Variants in NTRK3 observed in about 807,000 individuals in gnomAD.
NTRK3 encodes the protein NT-3 growth factor receptor.
In NTRK3, 24 loss-of-function variants were observed where a neutral mutation model predicts 91.7. That is an observed-to-expected ratio of 0.26 (90% CI 0.19 to 0.37). The LOEUF is 0.37. Ranked by LOEUF, NTRK3 falls within the 10% of genes least tolerant of loss-of-function variation. The pLI, the probability that NTRK3 is intolerant of heterozygous loss-of-function variation, is 1.00. For synonymous variants in NTRK3, 483 were observed against 404.0 expected, an observed-to-expected ratio of 1.20 and a Z score of -2.34; for missense variants, 880 against 1,068.9, an observed-to-expected ratio of 0.82 and a Z score of 2.46.
chr15:87,895,577 G>A lies in NTRK3; in HGVS notation c.2134-15149C>T, dbSNP rs370197642. ...TTGAAATTGCCCTGCAAAGTCTCTC[G>A]TGGGAAAAATCCACATTATATGGAG... On this transcript the variant is annotated intron_variant, in intron 17 of 18. Transcript: ENST00000394480. Among the ~76,000 whole-genome samples the A allele has an allele frequency of 6.1e-4, 93 of 152,140 alleles. 2 individuals carry two copies. The Middle Eastern group carries it at 0.027, about 45-fold the overall frequency.
chr15:88,060,367 G>C (rs2046103121), intron 13 of NTRK3, among the ~76,000 whole-genome samples: 1 of 133,654 alleles, frequency 7.5e-6, no homozygotes, highest in South Asian at 2.3e-4. Flanking sequence ...CTGGGTGACA[G>C]AATGAGACTC....
intron 13 of NTRK3, among the ~76,000 whole-genome samples, chr15:88,048,679 G>A (rs904281235): frequency 6.6e-6 from 1 of 152,194 alleles, no homozygotes; most frequent in Non-Finnish European, 1.5e-5. Flanking sequence ...TAAAGAAAAT[G>A]TCAAGATAAA....
chr15:88,143,339 C>G (rs964622165), intron 6 of NTRK3, among the ~76,000 whole-genome samples: 1 of 152,342 alleles, frequency 6.6e-6, no homozygotes, highest in East Asian at 1.9e-4. Flanking sequence ...AGCCAAGAAA[C>G]ACCAGGAGCC....
At chr15:88,118,769 A>G (rs8043453) in intron 13 of NTRK3, among the ~76,000 whole-genome samples, 37,201 of 152,150 alleles carry the variant, frequency 0.24, 4,903 homozygotes, top group African/African-American at 0.31. Flanking sequence ...CACCTGTCAC[A>G]TGAGTAGCAA....
chr15:87,919,026 C>T (rs998372718), intron 17 of NTRK3, among the ~76,000 whole-genome samples: 6 of 152,198 alleles, frequency 3.9e-5, no homozygotes, highest in Non-Finnish European at 5.9e-5. Flanking sequence ...AACTTGAGTA[C>T]ATCCCACAAA....
chr15:87,885,736 C>A lies in NTRK3; in HGVS notation c.2134-5308G>T, dbSNP rs1234613259. The A allele has an allele frequency of 2.3e-6, 3 of 1,293,920 alleles. No homozygotes were observed. The highest frequency in any genetic ancestry group is 2.0e-5 in the South Asian group (1 of 51,118). The allele number at this position is 1,293,920 out of a possible 1,614,324, so 80.2% of individuals were successfully genotyped here. On this transcript the variant is annotated intron_variant, in intron 17 of 18. Coordinates refer to ENST00000394480, the Ensembl canonical transcript of NTRK3. Reference sequence around the variant, plus strand: ...AATCATTTCCAGATGGATTAAAGAGCTAAACATAAAAAACAAAACAATAAT... The same window carrying A: ...AATCATTTCCAGATGGATTAAAGAGATAAACATAAAAAACAAAACAATAAT...
intron 17 of NTRK3, among the ~76,000 whole-genome samples, chr15:87,881,899 T>C (rs1330987302): frequency 6.6e-6 from 1 of 151,980 alleles, no homozygotes; most frequent in Non-Finnish European, 1.5e-5. Context: ...TCTTTTCTTT[T>C]CTTTCTTTTT....
At chr15:88,016,804 T>C (rs978207819) in intron 14 of NTRK3, among the ~76,000 whole-genome samples, 2 of 151,442 alleles carry the variant, frequency 1.3e-5, no homozygotes, top group African/African-American at 4.9e-5. Flanking sequence ...GAGAGTGTCA[T>C]TTTTTTTTCT....
At chr15:87,944,068 AC>A (rs2070175555) in intron 14 of NTRK3, among the ~76,000 whole-genome samples, 2 of 152,156 alleles carry the variant, frequency 1.3e-5, no homozygotes, top group Admixed American at 6.5e-5. Flanking sequence ...TGACACCAAT[AC>A]CTGTCCTTAG....
intron 13 of NTRK3, among the ~76,000 whole-genome samples, chr15:88,055,831 A>G (rs2045626974): frequency 6.6e-6 from 1 of 152,148 alleles, no homozygotes; most frequent in Admixed American, 6.5e-5. Flanking sequence ...TTAAAATCCA[A>G]AGTCAACGTT....
chr15:87,980,177 G>A (rs904141291), intron 14 of NTRK3, among the ~76,000 whole-genome samples: 3 of 152,214 alleles, frequency 2.0e-5, no homozygotes, highest in Non-Finnish European at 4.4e-5. Flanking sequence ...GAGCAAGGAG[G>A]ACTTCCATGA....
intron 3 of NTRK3, among the ~76,000 whole-genome samples, chr15:88,189,371 G>A (rs184481327): frequency 1.3e-5 from 2 of 152,056 alleles, no homozygotes; most frequent in Non-Finnish European, 2.9e-5. Context: ...ATACATTCAT[G>A]GGGACTACAA....
At chr15:87,910,488 T>C (rs2067023149) in intron 17 of NTRK3, among the ~76,000 whole-genome samples, 1 of 152,236 alleles carries the variant, frequency 6.6e-6, no homozygotes, top group Non-Finnish European at 1.5e-5. Flanking sequence ...TGGTGAGTTT[T>C]ATTTAAAACA....
At chr15:88,137,258 G>A (rs1019260001) in intron 7 of NTRK3, 146 bp downstream of exon 7, 2 of 862,032 alleles carry the variant, frequency 2.3e-6, no homozygotes, top group Middle Eastern at 6.6e-4. Context: ...GATGAGTCAG[G>A]AGGTCTGCAC....
intron 3 of NTRK3, among the ~76,000 whole-genome samples, chr15:88,188,562 G>A (rs1216594351): frequency 6.6e-6 from 1 of 152,332 alleles, no homozygotes; most frequent in East Asian, 1.9e-4. Context: ...GGCTATTAAA[G>A]CAAGAGTCTC....
At chr15:88,033,669 T>C (rs1231134448) in intron 13 of NTRK3, among the ~76,000 whole-genome samples, 1 of 152,122 alleles carries the variant, frequency 6.6e-6, no homozygotes, top group African/African-American at 2.4e-5. Context: ...CTCTGTATTC[T>C]GAATTCAGAG....
chr15:88,048,299 C>A (rs28565987), intron 13 of NTRK3, among the ~76,000 whole-genome samples: 14,374 of 152,198 alleles, frequency 0.094, 723 homozygotes, highest in Middle Eastern at 0.17. Context: ...GTATCAATTT[C>A]ATAACGTTAT....
chr15:88,061,369 G>A (rs1049844272), intron 13 of NTRK3, among the ~76,000 whole-genome samples: 9 of 152,354 alleles, frequency 5.9e-5, no homozygotes, highest in African/African-American at 1.7e-4. Flanking sequence ...GCCACTAAAT[G>A]AATTGTCTAC....
At chr15:88,144,446 CTTGT>C (rs974063977) in intron 6 of NTRK3, among the ~76,000 whole-genome samples, 23 of 152,174 alleles carry the variant, frequency 1.5e-4, no homozygotes, top group South Asian at 8.3e-4. Context: ...GAGATGGTAA[CTTGT>C]TTGTTTTTTT....
Sources: gnomAD v4.1 joint callset for allele counts (sites outside exome capture counted in the v4.1 genomes callset) on GRCh38, gnomAD v4.1.1 for gene constraint, MANE v1.5 for transcripts, NCBI Gene and HGNC (gene_info 2026-07-23, HGNC 2026-07-21) for gene names.